Variants in PDCD11 observed in about 807,000 individuals in gnomAD.
PDCD11 encodes protein RRP5 homolog.
PDCD11 carries 97 observed loss-of-function variants against 198.9 expected under a neutral mutation model. The ratio of observed to expected loss-of-function variants is 0.49; its 90% CI spans 0.41 to 0.58. The LOEUF is 0.58. Among genes scored for constraint, PDCD11 ranks in the 20% least tolerant of loss-of-function variants. The pLI is 0.00. For synonymous variants in PDCD11, 893 were observed against 918.0 expected (o/e 0.97, Z 0.49); for missense variants, 2,102 against 2,312.7 (o/e 0.91, Z 1.87).
chr10:103,398,003 C>T (rs1407899380), intron 1 of PDCD11, among the ~76,000 whole-genome samples: 1 of 152,190 alleles, frequency 6.6e-6, no homozygotes, highest in Admixed American at 6.5e-5. Flanking sequence ...TGCCTTATCC[C>T]TTCCTACATC....
chr10:103,421,663 C>T (rs2031435905), intron 17 of PDCD11, 96 bp downstream of exon 17: 2 of 1,076,152 alleles, frequency 1.9e-6, no homozygotes, highest in African/African-American at 1.6e-5. Context: ...CTTCCCAGAA[C>T]ATAAGAAAAA....
At chr10:103,407,532 C>T (rs889678012) in intron 7 of PDCD11, among the ~76,000 whole-genome samples, 1 of 151,962 alleles carries the variant, frequency 6.6e-6, no homozygotes, top group Non-Finnish European at 1.5e-5. Flanking sequence ...CACTGCATTC[C>T]AGCCTGGGCG....
intron 2 of PDCD11, among the ~76,000 whole-genome samples, chr10:103,400,107 A>G (rs1312856688): frequency 1.3e-5 from 2 of 152,172 alleles, no homozygotes; most frequent in Non-Finnish European, 2.9e-5. Context: ...TGCTTCTCAA[A>G]CTGGGGAACC....
At chr10:103,430,207 G>T (rs2031870507) in intron 21 of PDCD11, among the ~76,000 whole-genome samples, 1 of 152,068 alleles carries the variant, frequency 6.6e-6, no homozygotes, top group African/African-American at 2.4e-5. Flanking sequence ...TGCCCAGGCT[G>T]GTCTCAAACT....
At chr10:103,414,178 T>G in intron 10 of PDCD11, 88 bp downstream of exon 10, 2 of 1,579,740 alleles carry the variant, frequency 1.3e-6, no homozygotes, top group Admixed American at 3.5e-5. Context: ...TTGGGAAGGG[T>G]TTTCTTTCTT....
chr10:103,431,717 A>G (rs2031943427), intron 21 of PDCD11, among the ~76,000 whole-genome samples: 1 of 152,210 alleles, frequency 6.6e-6, no homozygotes, highest in South Asian at 2.1e-4. Flanking sequence ...AGAAGCCCTG[A>G]TTTTAACTCC....
chr10:103,429,413 G>A (rs1019830951), intron 21 of PDCD11, among the ~76,000 whole-genome samples: 5 of 152,150 alleles, frequency 3.3e-5, no homozygotes, highest in African/African-American at 1.2e-4. Context: ...GGTGGGTTTG[G>A]TTTGGTTTGG....
chr10:103,408,623 C>T (rs1175541116), intron 7 of PDCD11, among the ~76,000 whole-genome samples: 1 of 151,986 alleles, frequency 6.6e-6, no homozygotes, highest in Non-Finnish European at 1.5e-5. Flanking sequence ...TCATTGCAGC[C>T]TCCACCATCC....
Position 103,421,240 on chromosome 10 carries a change from C to T in PDCD11, c.2278-108C>T, listed in dbSNP as rs2031404708. 3.7e-6 allele frequency: 3 copies of T among 807,936 alleles called. No homozygotes were observed. The Admixed American group carries it at 6.2e-5, about 17-fold the overall frequency. The allele number at this position is 807,936 out of a possible 1,614,324, so 50.0% of individuals were successfully genotyped here. On this transcript the variant is annotated intron_variant, in intron 16 of 35. Transcript: ENST00000369797. Reference sequence around the variant, plus strand: ...GTTCAGAGAGGGCTTGGGGGAGCTTCCTAGGCCCCATTTCCCCCTACTCAC... The same window carrying T: ...GTTCAGAGAGGGCTTGGGGGAGCTTTCTAGGCCCCATTTCCCCCTACTCAC...
chr10:103,440,978 T>C (rs980801681), intron 30 of PDCD11, 128 bp downstream of exon 30: 4 of 649,470 alleles, frequency 6.2e-6, no homozygotes, highest in African/African-American at 3.7e-5. Flanking sequence ...GTTGCCTCCA[T>C]TGACCGTCAG....
chr10:103,406,659 A>G lies in PDCD11; in HGVS notation c.739A>G (p.Lys247Glu), dbSNP rs752834025. The G allele has an allele frequency of 3.7e-6, 6 of 1,614,080 alleles. No homozygotes were observed. Among genetic ancestry groups the G allele is most frequent in the Non-Finnish European group, 5.1e-6 (6 of 1,180,042 alleles). ...QYLNCIVEKVKGNGGVVSLSV... is the reference protein window; with the variant it reads ...QYLNCIVEKVEGNGGVVSLSV... ...CCTGAACTGCATTGTTGAAAAGGTG[A>G]AAGGCAACGGAGGAGTTGTTAGTCT... Residue 247 changes from lysine (K) to glutamate (E), a missense_variant, in exon 7 of 36, where the codon AAA (lysine) becomes GAA (glutamate). Physicochemically the swap from Lys to Glu is moderately conservative, Grantham distance 56. Coordinates refer to ENST00000369797, the MANE Select transcript of PDCD11 (RefSeq NM_014976.2).
chr10:103,426,928 CA>C (rs1017044267), intron 20 of PDCD11, among the ~76,000 whole-genome samples: 48 of 129,632 alleles, frequency 3.7e-4, no homozygotes, highest in African/African-American at 7.1e-4. Flanking sequence ...CCCATCTCTA[CA>C]AAAAAAAAAA....
intron 26 of PDCD11, 23 bp downstream of exon 26, chr10:103,438,094 A>G: frequency 6.2e-7 from 1 of 1,609,400 alleles, no homozygotes; most frequent in African/African-American, 1.3e-5. Context: ...GTTGTTGGAA[A>G]AAGAAAGGAG....
intron 8 of PDCD11, among the ~76,000 whole-genome samples, 171 bp downstream of exon 8, chr10:103,409,977 T>C (rs1223675880): frequency 6.6e-6 from 1 of 152,174 alleles, no homozygotes; most frequent in Non-Finnish European, 1.5e-5. Flanking sequence ...GGCTCATGCT[T>C]GTAATCCCAA....
At position 103,406,594 on chromosome 10, in the gene PDCD11, G is replaced by T; in HGVS notation, c.689-15G>T. ...GATACATTTTTCCTTTTGGGGCCTGGGTCTGGGCTTACAGGTGCTAAACTA... is the reference window on the plus strand; with the variant it reads ...GATACATTTTTCCTTTTGGGGCCTGTGTCTGGGCTTACAGGTGCTAAACTA... On this transcript the variant is annotated splice_polypyrimidine_tract_variant and intron_variant, in intron 6 of 35. Coordinates refer to ENST00000369797, the MANE Select transcript of PDCD11 (RefSeq NM_014976.2). 1 of 1,611,642 alleles carries T rather than the reference G, an allele frequency of 6.2e-7. No homozygotes were observed.
At chr10:103,414,137 C>A (rs376194796) in intron 10 of PDCD11, 47 bp downstream of exon 10, 50 of 1,590,758 alleles carry the variant, frequency 3.1e-5, no homozygotes, top group South Asian at 3.0e-4. Context: ...TGCACCTGTA[C>A]ATGTTCATAT....
intron 26 of PDCD11, 99 bp from the exon 27 acceptor site, chr10:103,438,587 C>CA (rs1246294088): frequency 6.7e-7 from 1 of 1,485,638 alleles, no homozygotes; most frequent in African/African-American, 1.4e-5. Flanking sequence ...GGTCCAGAGT[C>CA]ATATTCTTAT....
chr10:103,414,389 GC>G lies in PDCD11; in HGVS notation c.1371+60del, dbSNP rs2133697878. 6 of 1,251,370 alleles carry G rather than the reference GC, an allele frequency of 4.8e-6. No individual in the cohort carries two copies. In the South Asian group the frequency reaches 7.3e-5, roughly 15 times the overall value. The allele number at this position is 1,251,370 out of a possible 1,614,324, so 77.5% of individuals were successfully genotyped here. ...CACCATCAGGCGTTCTTTAGTTCAC[GC>G]ACAGGTGACTGTCAGCCCGTTAGTC... On this transcript the variant is annotated intron_variant, in intron 11 of 35. Coordinates refer to ENST00000369797, the MANE Select transcript of PDCD11 (RefSeq NM_014976.2).
intron 1 of PDCD11, among the ~76,000 whole-genome samples, chr10:103,397,849 G>A (rs1426661688): frequency 1.3e-5 from 2 of 152,204 alleles, no homozygotes; most frequent in African/African-American, 4.8e-5. Flanking sequence ...AATTGCTGGT[G>A]TTTATTGAAA....
Sources: allele counts gnomAD v4.1 joint callset (sites outside exome capture counted in the v4.1 genomes callset), GRCh38; gene constraint gnomAD v4.1.1; transcripts MANE v1.5; gene names NCBI Gene and HGNC (gene_info 2026-07-23, HGNC 2026-07-21).